The following TRMT11 variants were observed in gnomAD, a reference collection of about 807,000 sequenced individuals.
The protein encoded by TRMT11 is tRNA (guanine(10)-N(2))-methyltransferase TRMT11.
Under a neutral mutation model 62.8 loss-of-function variants are expected in TRMT11, and 53 were observed. The observed-to-expected ratio is 0.84, with a 90% CI of 0.68 to 1.06. TRMT11 has a LOEUF of 1.06. TRMT11 is among the 50% of genes least tolerant of loss of function. The pLI, the probability that TRMT11 is intolerant of heterozygous loss-of-function variation, is 0.00. For synonymous variants in TRMT11, 188 were observed against 190.3 expected (o/e 0.99, Z 0.10); for missense variants, 556 against 553.4 (o/e 1.00, Z -0.05).
the TRMT11 span, among the ~76,000 whole-genome samples, chr6:126,211,897 A>G: frequency 2.6e-5 from 4 of 151,816 alleles, no homozygotes; most frequent in Admixed American, 6.6e-5. Flanking sequence ...TATTTTTTGT[A>G]TTAGTAACCA....
At chr6:126,233,958 A>C in the TRMT11 span, among the ~76,000 whole-genome samples, 1 of 152,186 alleles carries the variant, frequency 6.6e-6, no homozygotes, top group East Asian at 1.9e-4. Context: ...GATTAAAAAT[A>C]GATATTATAA....
rs544901107 is a variant in TRMT11 at position 126,120,618 on chromosome 6, A to G, written c.*1823+4763A>G. Among the ~76,000 whole-genome samples, 12 of 152,258 alleles carry G rather than the reference A, an allele frequency of 7.9e-5. No individual in the cohort carries two copies. The South Asian group carries it at 2.1e-3, about 26-fold the overall frequency. ...CTTTATGTTTAAGGGCTGTAATTCT[A>G]TATAAAATGTCTGCATAGAATAACA... On this transcript the variant is annotated intron_variant and NMD_transcript_variant, in intron 21 of 22. Coordinates refer to the TRMT11 transcript ENST00000648977.
At chr6:126,126,020 C>G (rs1014886950) in intron 21 of TRMT11, among the ~76,000 whole-genome samples, 11 of 152,084 alleles carry the variant, frequency 7.2e-5, no homozygotes, top group African/African-American at 2.7e-4. Flanking sequence ...TCAGTATGGG[C>G]TGGCCTCCTT....
At chr6:126,119,248 C>G (rs1777622158) in intron 21 of TRMT11, among the ~76,000 whole-genome samples, 1 of 152,154 alleles carries the variant, frequency 6.6e-6, no homozygotes, top group South Asian at 2.1e-4. Context: ...AAGAGCAGGT[C>G]CAATTTTCCT....
intron 17 of TRMT11, among the ~76,000 whole-genome samples, chr6:126,071,512 A>AC (rs1776855445): frequency 6.6e-6 from 1 of 152,168 alleles, no homozygotes; most frequent in Non-Finnish European, 1.5e-5. Flanking sequence ...AAAGGCATTG[A>AC]CACATTGTCA....
chr6:126,135,038 A>AC (rs1363717314), intron 21 of TRMT11, among the ~76,000 whole-genome samples: 7 of 151,752 alleles, frequency 4.6e-5, no homozygotes, highest in Non-Finnish European at 7.4e-5. Flanking sequence ...CATCCAAATA[A>AC]TAAAAAAAAT....
Position 125,998,678 on chromosome 6 carries a change from T to A in TRMT11, c.516T>A (p.Gly172=), listed in dbSNP as rs1411285030. The part of the protein sequence containing the change: ...IPENPHNIYF[G]RWIADGQREL... ...AGAATCCACATAATATTTATTTTGG[T>A]AGATGGGTGAGCAAGTTTTCTTTCT... The change falls in exon 6 of 13, where the codon GGT becomes GGA. Residue 172 remains glycine, a synonymous_variant. Coordinates refer to ENST00000334379, the MANE Select transcript of TRMT11 (RefSeq NM_001031712.3). The A allele has an allele frequency of 3.7e-6, 6 of 1,610,534 alleles. No individual in the cohort carries two copies. The highest frequency in any genetic ancestry group is 5.1e-6 in the Non-Finnish European group (6 of 1,178,974).
chr6:126,165,067 A>C (rs1231814160), intron 21 of TRMT11, among the ~76,000 whole-genome samples: 1 of 152,142 alleles, frequency 6.6e-6, no homozygotes, highest in Non-Finnish European at 1.5e-5. Flanking sequence ...TCACAAGGTC[A>C]GGAGTTCAAG....
intron 1 of TRMT11, among the ~76,000 whole-genome samples, chr6:126,192,627 A>G (rs1332890732): frequency 1.3e-5 from 2 of 152,100 alleles, no homozygotes; most frequent in Non-Finnish European, 2.9e-5. Flanking sequence ...TTTATATCCA[A>G]TTTGTCAAAA....
the TRMT11 span, among the ~76,000 whole-genome samples, chr6:126,223,984 C>T: frequency 2.0e-5 from 3 of 152,290 alleles, no homozygotes; most frequent in East Asian, 5.8e-4. Context: ...AGTTTGTCAG[C>T]TCTGTCACAC....
chr6:126,087,667 G>C (rs2128163582), intron 17 of TRMT11, among the ~76,000 whole-genome samples: 2 of 152,340 alleles, frequency 1.3e-5, no homozygotes, highest in South Asian at 4.1e-4. Flanking sequence ...GAAGAAAGGA[G>C]AGCCTTGTAG....
chr6:126,009,639 C>G (rs1405084547), intron 8 of TRMT11, among the ~76,000 whole-genome samples: 1 of 151,862 alleles, frequency 6.6e-6, no homozygotes, highest in African/African-American at 2.4e-5. Context: ...GTCTTTTTCC[C>G]TACCTTGACT....
chr6:126,217,733 C>T, the TRMT11 span, among the ~76,000 whole-genome samples: 61 of 152,136 alleles, frequency 4.0e-4, no homozygotes, highest in African/African-American at 1.2e-3. Context: ...CTATGGCTTG[C>T]GGTAATCACT....
intron 21 of TRMT11, among the ~76,000 whole-genome samples, chr6:126,141,052 G>C (rs1777911400): frequency 6.6e-6 from 1 of 152,048 alleles, no homozygotes; most frequent in Non-Finnish European, 1.5e-5. Flanking sequence ...ATTTGTGTGT[G>C]TTAAGTTATA....
chr6:126,179,674 G>A (rs1175670395), intron 1 of TRMT11, among the ~76,000 whole-genome samples: 1 of 152,126 alleles, frequency 6.6e-6, no homozygotes, highest in Non-Finnish European at 1.5e-5. Context: ...TGACAAAACT[G>A]AAAGACTACA....
the TRMT11 span, among the ~76,000 whole-genome samples, chr6:126,241,997 CCT>C: frequency 1.2e-3 from 190 of 152,204 alleles, 6 homozygotes; most frequent in East Asian, 0.035. Context: ...TCAAATTGTC[CCT>C]GTTTGCAGAT....
the TRMT11 span, among the ~76,000 whole-genome samples, chr6:126,244,750 G>A: frequency 6.6e-6 from 1 of 152,092 alleles, no homozygotes; most frequent in African/African-American, 2.4e-5. Flanking sequence ...CTCCATACAG[G>A]AACTATCAGT....
At chr6:125,990,500 G>C (rs1034748716) in intron 1 of TRMT11, among the ~76,000 whole-genome samples, 19 of 151,966 alleles carry the variant, frequency 1.3e-4, no homozygotes, top group Non-Finnish European at 2.5e-4. Context: ...GTTCACTCTT[G>C]CAGCTGTTTT....
At chr6:126,185,038 A>G (rs1042079183) in intron 1 of TRMT11, among the ~76,000 whole-genome samples, 23 of 152,182 alleles carry the variant, frequency 1.5e-4, no homozygotes, top group African/African-American at 5.5e-4. Flanking sequence ...TTCCTGGTCC[A>G]CTCAAGTTTG....
Sources: gnomAD v4.1 joint callset for allele counts (sites outside exome capture counted in the v4.1 genomes callset) on GRCh38, gnomAD v4.1.1 for gene constraint, MANE v1.5 for transcripts, NCBI Gene and HGNC (gene_info 2026-07-23, HGNC 2026-07-21) for gene names.